SPAG9: variants seen among roughly 807,000 people sequenced by gnomAD.
SPAG9 encodes C-Jun-amino-terminal kinase-interacting protein 4.
SPAG9 carries 35 observed loss-of-function variants against 166.5 expected under a neutral mutation model. The observed-to-expected ratio is 0.21, with a 90% CI of 0.16 to 0.28. The LOEUF is 0.28. Ranked by LOEUF, SPAG9 falls within the 10% of genes least tolerant of loss-of-function variation. The probability of loss-of-function intolerance (pLI) is 1.00; values close to 1 mark genes in which losing one functional copy is unlikely to be tolerated. For synonymous variants in SPAG9, 534 were observed against 565.5 expected (o/e 0.94, Z 0.79); for missense variants, 1,235 against 1,603.3 (o/e 0.77, Z 3.92).
In SPAG9 at chr17:50,989,713, T is replaced by C. The variant is rs1248795850; in HGVS notation, c.2777A>G (p.Gln926Arg). 6.2e-7 allele frequency: 1 copy of C among 1,614,218 alleles called. No homozygotes were observed. The highest frequency in any genetic ancestry group is 8.5e-7 in the Non-Finnish European group (1 of 1,180,040). ...EHVFTDPLGV[Q>R]IPEDLSPVYQ... ...CACTGGGGAGAGGTCTTCTGGGATC[T>C]GAACTCCCAAAGGATCTGTAAAGAC... The change falls in exon 21 of 30, where the codon CAG (glutamine) becomes CGG (arginine). Residue 926 changes from glutamine (Q) to arginine (R), a missense_variant. Coordinates refer to ENST00000262013, the MANE Select transcript of SPAG9 (RefSeq NM_001130528.3).
At chr17:51,076,997 GCTATCTAGCTAGCTAGCTAGCTAT>G (rs1293693884) in intron 2 of SPAG9, among the ~76,000 whole-genome samples, 9 of 97,022 alleles carry the variant, frequency 9.3e-5, no homozygotes, top group African/African-American at 3.1e-4. Flanking sequence ...TAGCTATCTA[GCTATCTAGCTAGCTAGCTAGCTAT>G]CTAGCTATCT....
chr17:51,050,992 A>G (rs180931518), intron 3 of SPAG9, among the ~76,000 whole-genome samples: 1 of 151,224 alleles, frequency 6.6e-6, no homozygotes, highest in Admixed American at 6.6e-5. Context: ...AAAGGGAAGG[A>G]AGGAAAGAAA....
At chr17:50,975,136 C>A (rs951484038) in intron 27 of SPAG9, 189 bp from the exon 28 acceptor site, 2 of 530,350 alleles carry the variant, frequency 3.8e-6, no homozygotes, top group African/African-American at 2.0e-5. Context: ...TTTTTAAGTA[C>A]CTCAGTAAAT....
At position 50,982,538 on chromosome 17, in the gene SPAG9, C is replaced by T; in HGVS notation, c.3223G>A (p.Ala1075Thr). The change falls in exon 25 of 30, where the codon GCC (alanine) becomes ACC (threonine). Residue 1075 changes from alanine (A) to threonine (T), a missense_variant. This residue lies in a region of SPAG9 where 243 missense variants were observed against 358.6 expected (regional missense o/e 0.68). Transcript: ENST00000262013. ...RNKIYVVQPK[A>T]MKIEKSFDAH... ...TAATAACTTGCCTCTATTTTCATGG[C>T]CTTTGGCTGCACCACATAGATTTTG... 6.2e-7 allele frequency: 1 copy of T among 1,611,384 alleles called. No homozygotes were observed. The highest frequency in any genetic ancestry group is 1.7e-4 in the Middle Eastern group (1 of 6,044).
chr17:51,012,469 C>T (rs879371974), intron 9 of SPAG9, among the ~76,000 whole-genome samples: 1 of 151,516 alleles, frequency 6.6e-6, no homozygotes, highest in Non-Finnish European at 1.5e-5. Context: ...ACTCGGGAGG[C>T]TGAGGCAGGA....
In SPAG9 at chr17:51,120,451, T is replaced by A; in HGVS notation, c.206A>T (p.Gln69Leu). ...CAGCTCCAGCTCCACCTGGTGCTCC[T>A]GGTCCTGCGCGAACACCGAGTCCAG... Reference protein sequence around the residue: ...ENLDSVFAQDQEHQVELELLR... With the variant: ...ENLDSVFAQDLEHQVELELLR... The change falls in exon 1 of 30, where the codon CAG becomes CTG. Residue 69 changes from glutamine to leucine, a missense_variant. Transcript: ENST00000262013. The surrounding 1 kb of genome is among the most constrained non-coding windows in gnomAD (Gnocchi z 4.7). 6.2e-7 allele frequency: 1 copy of A among 1,613,860 alleles called. No homozygotes were observed. Among genetic ancestry groups the A allele is most frequent in the Non-Finnish European group, 8.5e-7 (1 of 1,179,846 alleles).
chr17:50,998,363 C>G, intron 15 of SPAG9, 81 bp downstream of exon 15: 1 of 1,294,128 alleles, frequency 7.7e-7, no homozygotes, highest in South Asian at 1.4e-5. Context: ...TACCTGAATC[C>G]TTAGAGCTGA....
At chr17:51,096,047 A>G (rs1208622809) in intron 1 of SPAG9, among the ~76,000 whole-genome samples, 1 of 144,432 alleles carries the variant, frequency 6.9e-6, no homozygotes, top group African/African-American at 2.5e-5. Context: ...TGATATATAT[A>G]TATAGTGATA....
rs189061171 is a variant in SPAG9, at chr17:51,090,117, C to T, written c.304-10413G>A. 3.3e-5 allele frequency among the ~76,000 whole-genome samples: 5 copies of T among 152,084 alleles called. No homozygotes were observed. In the East Asian group the frequency reaches 9.6e-4, roughly 29 times the overall value. On this transcript the variant is annotated intron_variant, in intron 1 of 29. Coordinates refer to ENST00000262013, the MANE Select transcript of SPAG9 (RefSeq NM_001130528.3). ...CAAACGTCTAAAGATCATGGCATGC[C>T]CAGGTAACTACAATTCACCATTAAA...
intron 1 of SPAG9, among the ~76,000 whole-genome samples, chr17:51,099,188 C>T (rs547181429): frequency 1.6e-3 from 236 of 150,508 alleles, no homozygotes; most frequent in African/African-American, 5.6e-3. Context: ...AATCCCAACA[C>T]TTTGAGAGAC....
At chr17:51,105,321 T>C (rs1374194744) in intron 1 of SPAG9, among the ~76,000 whole-genome samples, 1 of 152,030 alleles carries the variant, frequency 6.6e-6, no homozygotes, top group Non-Finnish European at 1.5e-5. Context: ...CTAAATGTAA[T>C]GTTTCTCAAA....
chr17:51,037,951 C>A (rs1436896683), intron 5 of SPAG9, among the ~76,000 whole-genome samples: 1 of 151,856 alleles, frequency 6.6e-6, no homozygotes, highest in Non-Finnish European at 1.5e-5. Context: ...CACTAGAAGT[C>A]CCCCGGTACG....
At chr17:51,060,918 C>G (rs2047495509) in intron 2 of SPAG9, among the ~76,000 whole-genome samples, 1 of 150,652 alleles carries the variant, frequency 6.6e-6, no homozygotes, top group African/African-American at 2.5e-5. Flanking sequence ...GCGATCTCAG[C>G]TCACTGCAAC....
intron 6 of SPAG9, among the ~76,000 whole-genome samples, chr17:51,026,196 T>C (rs2046161416): frequency 6.6e-6 from 1 of 151,958 alleles, no homozygotes; most frequent in Admixed American, 6.6e-5. Flanking sequence ...AAATTGTATT[T>C]AGTAATTTAA....
intron 28 of SPAG9, among the ~76,000 whole-genome samples, chr17:50,972,995 T>G (rs1973941590): frequency 6.6e-6 from 1 of 152,086 alleles, no homozygotes; most frequent in African/African-American, 2.4e-5. Flanking sequence ...TTGTTTTTAA[T>G]AGTGAAAAAA....
chr17:50,971,220 T>C (rs1470108586), intron 28 of SPAG9, among the ~76,000 whole-genome samples: 1 of 151,910 alleles, frequency 6.6e-6, no homozygotes, highest in Admixed American at 6.6e-5. Flanking sequence ...GGCAGAAAGA[T>C]CACTTGAGCC....
chr17:51,069,759 G>A (rs1443788162), intron 2 of SPAG9, among the ~76,000 whole-genome samples: 1 of 152,012 alleles, frequency 6.6e-6, no homozygotes. Flanking sequence ...AGGCTTGCAG[G>A]TATTTTACTA....
chr17:51,005,627 G>T (rs894897083), intron 11 of SPAG9, among the ~76,000 whole-genome samples: 4 of 152,356 alleles, frequency 2.6e-5, no homozygotes, highest in Middle Eastern at 3.4e-3. Flanking sequence ...GAGGCAGGTG[G>T]ATCACCTGAG....
intron 1 of SPAG9, among the ~76,000 whole-genome samples, chr17:51,109,711 TTTTTC>T (rs989886979): frequency 2.0e-5 from 3 of 152,100 alleles, no homozygotes; most frequent in Admixed American, 6.6e-5. Flanking sequence ...AAGGTTCTTT[TTTTTC>T]TTTTCTTTTC....
Sources: allele counts gnomAD v4.1 joint callset (sites outside exome capture counted in the v4.1 genomes callset), GRCh38; gene constraint gnomAD v4.1.1; regional missense constraint gnomAD v4.1.1; non-coding constraint Gnocchi (gnomAD v3.1); transcripts MANE v1.5; gene names NCBI Gene and HGNC (gene_info 2026-07-23, HGNC 2026-07-21).